Variants in SOX6 observed in about 807,000 individuals in gnomAD.
SOX6 encodes SRY-box transcription factor 6, also known as transcription factor SOX-6.
SOX6 carries 11 observed loss-of-function variants against 97.8 expected under a neutral mutation model. The ratio of observed to expected loss-of-function variants is 0.11; its 90% CI spans 0.07 to 0.19. The LOEUF (loss-of-function observed/expected upper bound fraction) is 0.19, where lower values mean the gene tolerates loss of function less well. Among genes scored for constraint, SOX6 ranks in the 10% least tolerant of loss-of-function variants. SOX6 has a pLI of 1.00. For synonymous variants in SOX6, 360 were observed against 371.4 expected, an observed-to-expected ratio of 0.97 and a Z score of 0.35; for missense variants, 810 against 1,039.5, an observed-to-expected ratio of 0.78 and a Z score of 3.04.
At chr11:16,003,457 C>T (rs1361040064) in intron 13 of SOX6, among the ~76,000 whole-genome samples, 3 of 152,090 alleles carry the variant, frequency 2.0e-5, no homozygotes, top group Non-Finnish European at 2.9e-5. Flanking sequence ...TCCATCTTAA[C>T]ATTTGCCATA....
Position 16,300,025 on chromosome 11 carries a change from A to T in SOX6, c.445+18421T>A, listed in dbSNP as rs1855211041. 6.6e-6 allele frequency among the ~76,000 whole-genome samples: 1 copy of T among 152,186 alleles called. No individual in the cohort carries two copies. Among genetic ancestry groups the T allele is most frequent in the African/African-American group, 2.4e-5 (1 of 41,460 alleles). On this transcript the variant is annotated intron_variant, in intron 3 of 15. Transcript: ENST00000683767. This position sits in a 1 kb window ranked among gnomAD's most constrained non-coding sequence, Gnocchi z 4.1. Reference sequence around the variant, plus strand: ...TAAGCTTAATAATTTTATGTTGTTTACACTGGAGGCAGTTTTCCACGAGCA... The same window carrying T: ...TAAGCTTAATAATTTTATGTTGTTTTCACTGGAGGCAGTTTTCCACGAGCA...
At chr11:16,700,545 G>C (rs1590056897) in intron 3 of SOX6, among the ~76,000 whole-genome samples, 1 of 152,148 alleles carries the variant, frequency 6.6e-6, no homozygotes, top group Non-Finnish European at 1.5e-5. Flanking sequence ...TGCATCATCT[G>C]GTCTCCTGGT....
rs78380507 is a variant in SOX6, at chr11:16,226,363, T to C, written c.535+8219A>G. 8.6e-3 allele frequency among the ~76,000 whole-genome samples: 1,302 copies of C among 151,976 alleles called. 23 individuals are homozygous for C. Among genetic ancestry groups the C allele is most frequent in the African/African-American group, 0.029 (1,220 of 41,460 alleles). On this transcript the variant is annotated intron_variant, in intron 4 of 15. Coordinates refer to ENST00000683767, the MANE Select transcript of SOX6 (RefSeq NM_001367873.1). ...TTTTTTTTTTCTCTCTTATCTTCTG[T>C]GTGTTTGTCAAACACAAGCACAAAC... is the stretch of plus-strand genomic sequence containing the variant.
At chr11:16,016,492 A>G (rs1293182394) in intron 12 of SOX6, among the ~76,000 whole-genome samples, 1 of 152,010 alleles carries the variant, frequency 6.6e-6, no homozygotes, top group East Asian at 1.9e-4. Context: ...TAAAAAACAG[A>G]ATGAAAATAA....
rs566134334 is a variant in SOX6, at chr11:16,255,701, A to T, written c.446-21030T>A. 3.3e-5 allele frequency among the ~76,000 whole-genome samples: 5 copies of T among 152,110 alleles called. No individual in the cohort carries two copies. The South Asian group carries it at 6.2e-4, about 19-fold the overall frequency. On this transcript the variant is annotated intron_variant, in intron 3 of 15. Coordinates refer to ENST00000683767, the MANE Select transcript of SOX6 (RefSeq NM_001367873.1). The stretch of plus-strand genomic sequence containing the variant: ...AAGAAGAGCAAATTGAGTACAAAGT[A>T]AGAGAAGAAAAGAAATAATGAAAAC...
chr11:16,497,041 C>G (rs182982718), intron 4 of SOX6, among the ~76,000 whole-genome samples: 21 of 152,124 alleles, frequency 1.4e-4, no homozygotes, highest in Admixed American at 1.1e-3. Context: ...CTCTGACACG[C>G]GAGTAGCCTA....
chr11:16,699,252 A>G (rs1458372940), intron 3 of SOX6, among the ~76,000 whole-genome samples: 3 of 152,166 alleles, frequency 2.0e-5, no homozygotes, highest in South Asian at 2.1e-4. Flanking sequence ...GGATATTACT[A>G]TAGCCCATTT....
chr11:16,713,163 G>A (rs1253987226), intron 3 of SOX6, among the ~76,000 whole-genome samples: 1 of 152,092 alleles, frequency 6.6e-6, no homozygotes, highest in Non-Finnish European at 1.5e-5. Context: ...GCTAATAGGT[G>A]CATCCAAACT....
intron 12 of SOX6, among the ~76,000 whole-genome samples, chr11:16,033,283 C>G (rs1193012561): frequency 6.6e-6 from 1 of 152,182 alleles, no homozygotes; most frequent in East Asian, 1.9e-4. Context: ...TTTTCCACAA[C>G]CTTATACAGT....
intron 6 of SOX6, among the ~76,000 whole-genome samples, chr11:16,145,279 G>C (rs1037441889): frequency 1.3e-5 from 2 of 152,080 alleles, no homozygotes; most frequent in African/African-American, 4.8e-5. Flanking sequence ...ATGCAGAAAA[G>C]GCCTTTGACA....
intron 6 of SOX6, among the ~76,000 whole-genome samples, chr11:16,167,635 A>G (rs1850921704): frequency 6.6e-6 from 1 of 152,154 alleles, no homozygotes; most frequent in African/African-American, 2.4e-5. Flanking sequence ...CTCCTTAGCT[A>G]AAGCTAGCAA....
chr11:16,519,482 T>C (rs912227873), intron 4 of SOX6, among the ~76,000 whole-genome samples: 2 of 152,178 alleles, frequency 1.3e-5, no homozygotes, highest in African/African-American at 4.8e-5. Flanking sequence ...CTTAGCATAA[T>C]GGCTTCCATC....
intron 4 of SOX6, among the ~76,000 whole-genome samples, chr11:16,537,816 T>C (rs948396086): frequency 2.6e-5 from 4 of 152,128 alleles, no homozygotes; most frequent in African/African-American, 9.7e-5. Flanking sequence ...ACAAGAAATA[T>C]GGGACTGTGT....
At chr11:16,196,977 GTGCC>G (rs1470799146) in intron 4 of SOX6, among the ~76,000 whole-genome samples, 1 of 151,786 alleles carries the variant, frequency 6.6e-6, no homozygotes, top group African/African-American at 2.4e-5. Flanking sequence ...GGAACTACAG[GTGCC>G]TGCCACCACG....
chr11:16,068,569 C>A (rs1590174227), intron 9 of SOX6, among the ~76,000 whole-genome samples: 1 of 152,138 alleles, frequency 6.6e-6, no homozygotes, highest in East Asian at 1.9e-4. Context: ...TTCAACTACA[C>A]TCCTAATATT....
chr11:16,139,261 C>T (rs1014406871), intron 6 of SOX6, among the ~76,000 whole-genome samples: 3 of 152,066 alleles, frequency 2.0e-5, no homozygotes, highest in Admixed American at 6.6e-5. Flanking sequence ...GTGAATGTAT[C>T]GTTCTTTATC....
At chr11:16,430,529 G>C (rs956916650) in intron 1 of SOX6, among the ~76,000 whole-genome samples, 3 of 152,066 alleles carry the variant, frequency 2.0e-5, no homozygotes, top group Non-Finnish European at 2.9e-5. Context: ...GAGCCCTCTT[G>C]AATGGGATTA....
intron 13 of SOX6, among the ~76,000 whole-genome samples, chr11:16,001,187 A>G (rs1854397505): frequency 6.6e-6 from 1 of 152,134 alleles, no homozygotes; most frequent in Non-Finnish European, 1.5e-5. Flanking sequence ...TTCATTAATC[A>G]GAGTACCAAA....
At chr11:16,247,814 A>G (rs1853385101) in intron 3 of SOX6, among the ~76,000 whole-genome samples, 1 of 152,076 alleles carries the variant, frequency 6.6e-6, no homozygotes, top group South Asian at 2.1e-4. Context: ...ATGTCCTCAC[A>G]TTTCAAAACA....
Sources: allele counts gnomAD v4.1 joint callset (sites outside exome capture counted in the v4.1 genomes callset), GRCh38; gene constraint gnomAD v4.1.1; non-coding constraint Gnocchi (gnomAD v3.1); transcripts MANE v1.5; gene names NCBI Gene and HGNC (gene_info 2026-07-23, HGNC 2026-07-21).